FOXP4: variants seen among roughly 807,000 people sequenced by gnomAD.
FOXP4 encodes the protein forkhead box P4, also known as forkhead box protein P4.
Under a neutral mutation model 82.6 loss-of-function variants are expected in FOXP4, and 25 were observed. That is an observed-to-expected ratio of 0.30 (90% confidence interval 0.22 to 0.42). FOXP4 has a LOEUF of 0.42. Ranked by LOEUF, FOXP4 falls within the 10% of genes least tolerant of loss-of-function variation. FOXP4 has a pLI of 1.00. For synonymous variants in FOXP4, 415 were observed against 388.2 expected, an observed-to-expected ratio of 1.07 and a Z score of -0.81; for missense variants, 785 against 900.9, an observed-to-expected ratio of 0.87 and a Z score of 1.65.
chr6:41,589,416 A>G (rs1221204074), intron 9 of FOXP4, among the ~76,000 whole-genome samples: 1 of 152,230 alleles, frequency 6.6e-6, no homozygotes, highest in Non-Finnish European at 1.5e-5. Context: ...AGGCCCTCAC[A>G]CACAAGTGCC....
chr6:41,588,811 C>A, intron 9 of FOXP4, 80 bp downstream of exon 9: 1 of 1,513,348 alleles, frequency 6.6e-7, no homozygotes, highest in Non-Finnish European at 9.2e-7. Flanking sequence ...GCTAGGTGGG[C>A]TCTGTTGGGA....
Position 41,587,537 on chromosome 6 carries a change from G to A in FOXP4, c.872+25G>A, listed in dbSNP as rs567186191. 3.2e-4 allele frequency: 482 copies of A among 1,508,516 alleles called. 2 individuals carry two copies. In the South Asian group the frequency reaches 6.1e-3, roughly 19 times the overall value. 93.4% of individuals were successfully genotyped at this position (1,508,516 alleles called of 1,614,324 possible). ...GGTACAGGGGTCCAGGCTGGGAGGG[G>A]CATCAAAGGCCTGCCTGGGGGTAGA... On this transcript the variant is annotated intron_variant, in intron 7 of 16. Transcript: ENST00000307972.
rs566381111 is a variant in FOXP4, at chr6:41,601,771, C to G, written c.*2835C>G. ...GATTACAGGCGTGAGCCACTGCACC[C>G]GGCTCTCACTGGTCTTACGCCACCT... is the stretch of plus-strand genomic sequence containing the variant. On this transcript the variant is annotated 3_prime_UTR_variant, in exon 17 of 17. Transcript: ENST00000307972. The G allele has an allele frequency of 1.8e-4, 27 of 152,568 alleles. No homozygotes were observed. Among genetic ancestry groups the G allele is most frequent in the African/African-American group, 6.5e-4 (27 of 41,584 alleles). 9.5% of individuals were successfully genotyped at this position (152,568 alleles called of 1,614,324 possible). A position where few individuals can be genotyped will look rare whatever the true frequency, so the allele number is the denominator to read the frequency against.
intron 2 of FOXP4, among the ~76,000 whole-genome samples, chr6:41,569,050 G>A (rs1765037602): frequency 6.6e-6 from 1 of 152,270 alleles, no homozygotes; most frequent in Non-Finnish European, 1.5e-5. Context: ...CAGCCCTCAA[G>A]GCCCAGCTTC....
intron 3 of FOXP4, among the ~76,000 whole-genome samples, chr6:41,583,525 G>GC (rs1765921964): frequency 6.6e-6 from 1 of 152,236 alleles, no homozygotes; most frequent in African/African-American, 2.4e-5. Flanking sequence ...TTCCGGGCTG[G>GC]CAGAGGGGCC....
At chr6:41,561,196 T>C (rs1182012533) in intron 1 of FOXP4, among the ~76,000 whole-genome samples, 1 of 152,140 alleles carries the variant, frequency 6.6e-6, no homozygotes, top group Non-Finnish European at 1.5e-5. Context: ...TGACATAGGC[T>C]CCGAGGTGCC....
intron 13 of FOXP4, among the ~76,000 whole-genome samples, chr6:41,592,003 G>C (rs568392514): frequency 4.9e-4 from 74 of 152,046 alleles, no homozygotes; most frequent in African/African-American, 1.5e-3. Context: ...GTGTGTGTGT[G>C]TGTCTGTCTG....
chr6:41,576,271 C>T (rs1016839031), intron 2 of FOXP4, among the ~76,000 whole-genome samples: 2 of 152,124 alleles, frequency 1.3e-5, no homozygotes, highest in Admixed American at 6.5e-5. Context: ...GACACCTTCC[C>T]GTCAATAGGC....
chr6:41,600,387 C>G lies in FOXP4; in HGVS notation c.*1451C>G, dbSNP rs1767155202. ...GAAAAAAGTCAGACTCTCCACAGAC[C>G]CCCTATGGGGGACCCCCAACTCAAG... On this transcript the variant is annotated 3_prime_UTR_variant, in exon 17 of 17. Coordinates refer to ENST00000307972, the MANE Select transcript of FOXP4 (RefSeq NM_001012426.2). 1 of 152,612 alleles carries G rather than the reference C, an allele frequency of 6.6e-6. No individual in the cohort carries two copies. The highest frequency in any genetic ancestry group is 2.4e-5 in the African/African-American group (1 of 41,442). 9.5% of individuals were successfully genotyped at this position (152,612 alleles called of 1,614,324 possible). A position where few individuals can be genotyped will look rare whatever the true frequency, so the allele number is the denominator to read the frequency against.
At chr6:41,580,495 C>A (rs1418952519) in intron 3 of FOXP4, among the ~76,000 whole-genome samples, 1 of 152,222 alleles carries the variant, frequency 6.6e-6, no homozygotes, top group Non-Finnish European at 1.5e-5. Flanking sequence ...CTCAGGGTCT[C>A]AGGGATATGG....
chr6:41,571,262 A>T (rs1765184123), intron 2 of FOXP4, among the ~76,000 whole-genome samples: 1 of 152,240 alleles, frequency 6.6e-6, no homozygotes, highest in African/African-American at 2.4e-5. Context: ...TTTTGGCTGC[A>T]GGAGCTGGAT....
intron 1 of FOXP4, among the ~76,000 whole-genome samples, chr6:41,564,814 G>C (rs765629914): frequency 1.1e-4 from 17 of 152,198 alleles, no homozygotes; most frequent in Admixed American, 2.0e-4. Context: ...GGTGGAACCA[G>C]GGCTTCCTTC....
Position 41,565,700 on chromosome 6 carries a change from G to A in FOXP4, c.-16-45G>A, listed in dbSNP as rs183315259. Reference sequence around the variant, plus strand: ...GGGGTCAGCAGTCACTGCCCTTTCAGCCTTCAGCCTCAGCCTCTCCCCTGT... The same window carrying A: ...GGGGTCAGCAGTCACTGCCCTTTCAACCTTCAGCCTCAGCCTCTCCCCTGT... On this transcript the variant is annotated intron_variant, in intron 1 of 16. Coordinates refer to ENST00000307972, the MANE Select transcript of FOXP4 (RefSeq NM_001012426.2). The A allele has an allele frequency of 9.7e-5, 148 of 1,521,102 alleles. No individual in the cohort carries two copies. The African/African-American group carries it at 1.9e-3, about 20-fold the overall frequency. 94.2% of individuals were successfully genotyped at this position (1,521,102 alleles called of 1,614,324 possible).
At chr6:41,576,095 TAGAA>T (rs1191031390) in intron 2 of FOXP4, among the ~76,000 whole-genome samples, 2 of 150,334 alleles carry the variant, frequency 1.3e-5, no homozygotes, top group Non-Finnish European at 3.0e-5. Context: ...CCTTTTGACT[TAGAA>T]AGGTCAGATT....
chr6:41,582,930 T>C (rs1203275087), intron 3 of FOXP4, among the ~76,000 whole-genome samples: 1 of 152,132 alleles, frequency 6.6e-6, no homozygotes, highest in Non-Finnish European at 1.5e-5. Context: ...CTGGGAGCTA[T>C]GGAGTATGCA....
At chr6:41,568,601 G>A (rs923432439) in intron 2 of FOXP4, among the ~76,000 whole-genome samples, 3 of 152,248 alleles carry the variant, frequency 2.0e-5, no homozygotes, top group African/African-American at 7.2e-5. Flanking sequence ...CTGGCCCTAA[G>A]TAGCCACTCT....
At chr6:41,550,241 G>A (rs565532818) in intron 1 of FOXP4, among the ~76,000 whole-genome samples, 92 of 152,248 alleles carry the variant, frequency 6.0e-4, no homozygotes, top group African/African-American at 2.1e-3. Context: ...TAAGCTCTTC[G>A]AACCTCAATT....
At chr6:41,564,647 G>A (rs1017226437) in intron 1 of FOXP4, among the ~76,000 whole-genome samples, 1 of 152,092 alleles carries the variant, frequency 6.6e-6, no homozygotes, top group Admixed American at 6.5e-5. Context: ...CTAACTCTCT[G>A]GACCTTCGGT....
At chr6:41,549,491 G>A (rs1451826764) in intron 1 of FOXP4, among the ~76,000 whole-genome samples, 1 of 152,104 alleles carries the variant, frequency 6.6e-6, no homozygotes, top group African/African-American at 2.4e-5. Context: ...CTTCTTGCCA[G>A]GAATGTGCAT....
Sources: allele counts gnomAD v4.1 joint callset (sites outside exome capture counted in the v4.1 genomes callset), GRCh38; gene constraint gnomAD v4.1.1; transcripts MANE v1.5; gene names NCBI Gene and HGNC (gene_info 2026-07-23, HGNC 2026-07-21).